The following PPP1R42 variants were observed in gnomAD, a reference collection of about 807,000 sequenced individuals.
PPP1R42 encodes the protein leucine rich repeat containing 67.
A neutral mutation model predicts 31.0 loss-of-function variants in PPP1R42; 34 were observed. That is an observed-to-expected ratio of 1.10 (90% CI 0.83 to 1.46). PPP1R42 has a LOEUF of 1.46. Among genes scored for constraint, PPP1R42 ranks in the 40% most tolerant of loss-of-function variants. PPP1R42 has a pLI of 0.00. For missense variants in PPP1R42, 268 were observed against 303.0 expected (o/e 0.88, Z 0.86); for synonymous variants, 103 against 109.8 (o/e 0.94, Z 0.39).
intron 7 of PPP1R42, among the ~76,000 whole-genome samples, chr8:66,973,835 A>G (rs1053921013): frequency 6.6e-6 from 1 of 152,120 alleles, no homozygotes; most frequent in Non-Finnish European, 1.5e-5. Context: ...TTGAATCAGT[A>G]TTTGTCTTTC....
intron 1 of PPP1R42, among the ~76,000 whole-genome samples, chr8:67,026,338 CAAAAAAA>C (rs572842174): frequency 7.2e-6 from 1 of 138,072 alleles, no homozygotes; most frequent in African/African-American, 2.6e-5. Flanking sequence ...AACTCCATCT[CAAAAAAA>C]AAAAGAAAAA....
rs200395795 is a variant in PPP1R42 at position 67,000,117 on chromosome 8, T to C, written c.552+10598A>G. Among the ~76,000 whole-genome samples the C allele has an allele frequency of 1.3e-4, 20 of 152,294 alleles. No homozygotes were observed. The East Asian group carries it at 3.9e-3, about 29-fold the overall frequency. ...TTCTGCTGTTATTTTCCTTATTTCC[T>C]TTTTTCCTTCATTTTAATTTCCTTC... is the stretch of plus-strand genomic sequence containing the variant. On this transcript the variant is annotated intron_variant, in intron 5 of 7. Transcript: ENST00000685739.
intron 6 of PPP1R42, 37 bp downstream of exon 6, chr8:66,988,363 T>C: frequency 7.5e-7 from 1 of 1,330,018 alleles, no homozygotes; most frequent in Non-Finnish European, 9.7e-7. Context: ...TAACTAGGTG[T>C]CATTCTCTTA....
chr8:66,995,865 C>T (rs1407466433), intron 5 of PPP1R42, among the ~76,000 whole-genome samples: 1 of 152,138 alleles, frequency 6.6e-6, no homozygotes, highest in Non-Finnish European at 1.5e-5. Flanking sequence ...CATTTATGTC[C>T]ACATTTCTAA....
chr8:66,998,073 A>G (rs769685825), intron 5 of PPP1R42, among the ~76,000 whole-genome samples: 6 of 152,182 alleles, frequency 3.9e-5, no homozygotes, highest in Non-Finnish European at 8.8e-5. Flanking sequence ...CAATTTTGCT[A>G]TGAATCTAAA....
chr8:66,988,194 G>C (rs1815083840), intron 6 of PPP1R42: 1 of 1,196,952 alleles, frequency 8.4e-7, no homozygotes, highest in African/African-American at 1.6e-5. Flanking sequence ...AGTATCAGGT[G>C]CTTTAATTAC....
intron 6 of PPP1R42, among the ~76,000 whole-genome samples, chr8:66,983,752 CAAAG>C (rs1814917341): frequency 6.6e-6 from 1 of 151,930 alleles, no homozygotes; most frequent in African/African-American, 2.4e-5. Flanking sequence ...AATGTTGAAA[CAAAG>C]AATATAAACT....
chr8:67,008,471 G>A (rs948566125), intron 5 of PPP1R42, among the ~76,000 whole-genome samples: 3 of 152,114 alleles, frequency 2.0e-5, no homozygotes, highest in Non-Finnish European at 2.9e-5. Flanking sequence ...ACTTTGGGAG[G>A]CCGAGGCAGG....
chr8:67,003,251 G>C (rs1815561377), intron 5 of PPP1R42, among the ~76,000 whole-genome samples: 1 of 145,030 alleles, frequency 6.9e-6, no homozygotes, highest in Non-Finnish European at 1.5e-5. Flanking sequence ...TTCCCTTTCT[G>C]TTCATGATTT....
intron 1 of PPP1R42, among the ~76,000 whole-genome samples, chr8:67,019,708 C>T (rs187604945): frequency 0.024 from 3,583 of 151,404 alleles, 57 homozygotes; most frequent in Admixed American, 0.045. Flanking sequence ...CTGGCTAACA[C>T]GGTGAAACCT....
chr8:67,018,112 T>C (rs1240399623), intron 1 of PPP1R42, among the ~76,000 whole-genome samples: 6 of 151,010 alleles, frequency 4.0e-5, no homozygotes, highest in Non-Finnish European at 8.8e-5. Context: ...AGTATCTTTT[T>C]TTCTTTTCTT....
intron 5 of PPP1R42, among the ~76,000 whole-genome samples, chr8:67,004,956 C>G (rs1236439966): frequency 2.6e-5 from 4 of 152,036 alleles, no homozygotes; most frequent in Non-Finnish European, 4.4e-5. Flanking sequence ...AGTCAGTTTC[C>G]CTAAAGAGGA....
At chr8:66,973,055 GT>G (rs1348685249) in intron 7 of PPP1R42, among the ~76,000 whole-genome samples, 1 of 152,100 alleles carries the variant, frequency 6.6e-6, no homozygotes, top group Non-Finnish European at 1.5e-5. Context: ...ATGCAGTAAT[GT>G]ATGTAAATAT....
At chr8:67,027,748 G>C (rs1294652787) in intron 1 of PPP1R42, among the ~76,000 whole-genome samples, 1 of 152,044 alleles carries the variant, frequency 6.6e-6, no homozygotes, top group African/African-American at 2.4e-5. Flanking sequence ...AAGTGTCTTT[G>C]GTTTTCTTTT....
intron 5 of PPP1R42, among the ~76,000 whole-genome samples, chr8:67,001,223 A>AT (rs1170169699): frequency 0.035 from 4,746 of 137,128 alleles, 169 homozygotes; most frequent in African/African-American, 0.082. Context: ...GTACCATTGG[A>AT]TTTTTTTTTT....
rs139845725 is a variant in PPP1R42 at position 67,007,710 on chromosome 8, C to T, written c.552+3005G>A. 4.0e-3 allele frequency among the ~76,000 whole-genome samples: 614 copies of T among 152,122 alleles called. 1 individual carries two copies. Among genetic ancestry groups the T allele is most frequent in the Middle Eastern group, 6.8e-3 (2 of 294 alleles). ...CTTGCACTGGCCTGTTTGTCCTGCC[C>T]GGGGCCATGAATTATTCCTTTGTCC... On this transcript the variant is annotated intron_variant, in intron 5 of 7. Transcript: ENST00000685739.
chr8:66,976,717 G>A (rs60964596), intron 7 of PPP1R42, among the ~76,000 whole-genome samples: 12,755 of 151,060 alleles, frequency 0.084, 1,077 homozygotes, highest in African/African-American at 0.22. Context: ...TTCCATCCGC[G>A]TTGTTGCGAA....
intron 1 of PPP1R42, among the ~76,000 whole-genome samples, chr8:67,024,748 A>G (rs1247063023): frequency 6.6e-6 from 1 of 151,688 alleles, no homozygotes; most frequent in African/African-American, 2.4e-5. Flanking sequence ...GAGTGCTGGG[A>G]TTACAGGCGT....
At chr8:66,984,865 C>G in intron 6 of PPP1R42, 2 of 1,584,930 alleles carry the variant, frequency 1.3e-6, no homozygotes, top group African/African-American at 1.3e-5. Flanking sequence ...CTGTGCTTCC[C>G]TCCTTGTCTG....
Sources: allele counts gnomAD v4.1 joint callset (sites outside exome capture counted in the v4.1 genomes callset), GRCh38; gene constraint gnomAD v4.1.1; transcripts MANE v1.5; gene names NCBI Gene and HGNC (gene_info 2026-07-23, HGNC 2026-07-21).